The following EDA variants were observed in gnomAD, a reference collection of about 807,000 sequenced individuals.
EDA encodes ectodysplasin-A.
EDA carries 2 observed loss-of-function variants against 23.6 expected under a neutral mutation model. The ratio of observed to expected loss-of-function variants is 0.08; its 90% CI spans 0.03 to 0.27. The LOEUF is 0.27. Ranked by LOEUF, EDA falls within the 10% of genes least tolerant of loss-of-function variation. The pLI is 1.00. For missense variants in EDA, 229 were observed against 324.2 expected (o/e 0.71, Z 2.26); for synonymous variants, 131 against 132.0 (o/e 0.99, Z 0.05).
chrX:69,786,150 C>T (rs1312839488), intron 1 of EDA, among the ~76,000 whole-genome samples: 1 of 110,745 alleles, frequency 9.0e-6, no homozygotes, highest in Non-Finnish European at 1.9e-5. Flanking sequence ...TCCCCTTTAT[C>T]ATTTTTTATT....
chrX:69,735,138 A>G (rs1303859679), intron 1 of EDA, among the ~76,000 whole-genome samples: 2 of 111,736 alleles, frequency 1.8e-5, no homozygotes. Context: ...TCATTGACAG[A>G]TGAATGAATA....
At chrX:69,863,597 GTA>G (rs1413450563) in intron 1 of EDA, among the ~76,000 whole-genome samples, 6 of 85,016 alleles carry the variant, frequency 7.1e-5, no homozygotes, top group African/African-American at 2.2e-4. Context: ...ATACATATAT[GTA>G]TATATATGTG....
chrX:69,957,862 G>A (rs962893467), intron 2 of EDA, among the ~76,000 whole-genome samples: 1 of 111,760 alleles, frequency 8.9e-6, no homozygotes, highest in Non-Finnish European at 1.9e-5. Context: ...ATCAATGTTG[G>A]TATCCACTAC....
intron 2 of EDA, among the ~76,000 whole-genome samples, chrX:70,017,809 C>G (rs1266403576): frequency 8.9e-6 from 1 of 111,840 alleles, no homozygotes; most frequent in African/African-American, 3.3e-5. Flanking sequence ...GATGCCCTCT[C>G]TCACCACTCC....
At chrX:69,842,479 T>C (rs1286558794) in intron 1 of EDA, among the ~76,000 whole-genome samples, 1 of 111,849 alleles carries the variant, frequency 8.9e-6, no homozygotes, top group Non-Finnish European at 1.9e-5. Flanking sequence ...CATGGAAAAA[T>C]TGTCTTCCAC....
Position 69,684,541 on chromosome X carries a change from A to G in EDA, c.396+67837A>G, listed in dbSNP as rs949859606. Reference sequence around the variant, plus strand: ...TTAAATTTAAAATGGTGTTGTGTATAAAGTAATAAACCCTGAACTAGCAGG... The same window carrying G: ...TTAAATTTAAAATGGTGTTGTGTATGAAGTAATAAACCCTGAACTAGCAGG... On this transcript the variant is annotated intron_variant, in intron 1 of 7. Transcript: ENST00000374552. Among the ~76,000 whole-genome samples, 21 of 112,094 alleles carry G rather than the reference A, an allele frequency of 1.9e-4. No homozygotes were observed. The East Asian group carries it at 5.6e-3, about 30-fold the overall frequency.
chrX:69,729,233 T>A (rs1226780893), intron 1 of EDA: 1 of 111,640 alleles, frequency 9.0e-6, no homozygotes, highest in African/African-American at 3.3e-5. Context: ...CCTACCAGCA[T>A]CTGTGCCACT....
At chrX:69,814,044 T>G (rs2016021497) in intron 1 of EDA, among the ~76,000 whole-genome samples, 1 of 112,674 alleles carries the variant, frequency 8.9e-6, no homozygotes, top group Non-Finnish European at 1.9e-5. Context: ...TCTTTTTGCT[T>G]GTATACCTCA....
intron 1 of EDA, among the ~76,000 whole-genome samples, chrX:69,637,922 TTGG>T (rs1309332864): frequency 1.4e-3 from 153 of 110,451 alleles, no homozygotes; most frequent in African/African-American, 5.0e-3. Context: ...TCATGGTTAT[TTGG>T]TGGTGGTGGT....
chrX:69,709,051 C>G (rs1336453329), intron 1 of EDA, among the ~76,000 whole-genome samples: 1 of 112,087 alleles, frequency 8.9e-6, no homozygotes. Context: ...GTAGCAGAAA[C>G]AGTAAGAAAT....
intron 1 of EDA, among the ~76,000 whole-genome samples, chrX:69,681,392 T>C (rs1934344273): frequency 9.0e-6 from 1 of 111,078 alleles, no homozygotes; most frequent in African/African-American, 3.3e-5. Context: ...GGGGAAGTTC[T>C]CCTGGATAAT....
intron 1 of EDA, among the ~76,000 whole-genome samples, chrX:69,805,405 T>A (rs1464753398): frequency 1.8e-5 from 2 of 111,829 alleles, no homozygotes; most frequent in African/African-American, 3.2e-5. Context: ...CTTTATTTTA[T>A]AATCAGACAT....
At chrX:69,737,881 A>G (rs1231490423) in intron 1 of EDA, among the ~76,000 whole-genome samples, 1 of 110,805 alleles carries the variant, frequency 9.0e-6, no homozygotes, top group African/African-American at 3.3e-5. Flanking sequence ...ATCACTTCAA[A>G]TATGTCACTC....
At chrX:69,820,215 C>G (rs1231843838) in intron 1 of EDA, among the ~76,000 whole-genome samples, 1 of 111,946 alleles carries the variant, frequency 8.9e-6, no homozygotes, top group Non-Finnish European at 1.9e-5. Context: ...AACTAGACCC[C>G]TTCGTTACAC....
intron 1 of EDA, among the ~76,000 whole-genome samples, chrX:69,772,383 C>A: frequency 9.0e-6 from 1 of 111,557 alleles, no homozygotes; most frequent in East Asian, 2.8e-4. Flanking sequence ...GGAATAAGAC[C>A]CATTTATAAT....
intron 1 of EDA, among the ~76,000 whole-genome samples, chrX:69,872,900 T>A (rs1430277629): frequency 9.0e-6 from 1 of 111,501 alleles, no homozygotes; most frequent in Non-Finnish European, 1.9e-5. Flanking sequence ...ACAAATAGAC[T>A]TAACAGATAT....
intron 1 of EDA, among the ~76,000 whole-genome samples, chrX:69,813,323 A>T (rs1333744043): frequency 9.0e-6 from 1 of 111,252 alleles, no homozygotes; most frequent in Admixed American, 9.6e-5. Flanking sequence ...ACCTTTGTAC[A>T]TTCTATTCCT....
At chrX:69,714,317 G>T (rs1398742470) in intron 1 of EDA, among the ~76,000 whole-genome samples, 1 of 110,785 alleles carries the variant, frequency 9.0e-6, no homozygotes, top group Non-Finnish European at 1.9e-5. Flanking sequence ...TTTCAAATAT[G>T]TGGTTTGGAA....
intron 1 of EDA, chrX:69,937,878 A>G (rs1245412741): frequency 1.9e-5 from 23 of 1,199,213 alleles, no homozygotes; most frequent in Non-Finnish European, 2.3e-5. Context: ...GGGTCTTGCA[A>G]CCACACCTGG....
Sources: allele counts gnomAD v4.1 joint callset (sites outside exome capture counted in the v4.1 genomes callset), GRCh38; gene constraint gnomAD v4.1.1; transcripts MANE v1.5; gene names NCBI Gene and HGNC (gene_info 2026-07-23, HGNC 2026-07-21).